The following SPIRE1 variants were observed in gnomAD, a reference collection of about 807,000 sequenced individuals.
The protein encoded by SPIRE1 is spire type actin nucleation factor 1.
Under a neutral mutation model 94.1 loss-of-function variants are expected in SPIRE1, and 40 were observed. The ratio of observed to expected loss-of-function variants is 0.43; its 90% CI spans 0.33 to 0.55. The LOEUF (loss-of-function observed/expected upper bound fraction) is 0.55, where lower values mean the gene tolerates loss of function less well. Among genes scored for constraint, SPIRE1 ranks in the 20% least tolerant of loss-of-function variants. The probability of loss-of-function intolerance (pLI) is 0.06; values close to 1 mark genes in which losing one functional copy is unlikely to be tolerated. For synonymous variants in SPIRE1, 376 were observed against 371.7 expected, an observed-to-expected ratio of 1.01 and a Z score of -0.13; for missense variants, 838 against 975.2, an observed-to-expected ratio of 0.86 and a Z score of 1.87.
intron 2 of SPIRE1, among the ~76,000 whole-genome samples, chr18:12,620,220 G>A (rs2037429222): frequency 6.6e-6 from 1 of 152,104 alleles, no homozygotes; most frequent in Non-Finnish European, 1.5e-5. Flanking sequence ...CTGTGTTCAT[G>A]GTCTAAGGCT....
intron 10 of SPIRE1, among the ~76,000 whole-genome samples, 187 bp from the exon 11 acceptor site, chr18:12,465,145 T>C: frequency 6.6e-6 from 1 of 152,148 alleles, no homozygotes; most frequent in East Asian, 1.9e-4. Flanking sequence ...GCCTTGGCTC[T>C]GCCCTGATGA....
At position 12,657,858 on chromosome 18, in the gene SPIRE1, C is replaced by G; in HGVS notation, c.9G>C (p.Gln3His). 1 of 1,087,870 alleles carries G rather than the reference C, an allele frequency of 9.2e-7. No homozygotes were observed. Among genetic ancestry groups the G allele is most frequent in the Non-Finnish European group, 1.1e-6 (1 of 899,448 alleles). 67.4% of individuals were successfully genotyped at this position (1,087,870 alleles called of 1,614,324 possible). The change falls in exon 1 of 17, where the codon CAG becomes CAC. Residue 3 changes from glutamine (Q) to histidine (H), a missense_variant. By Grantham distance (24) the Gln-to-His change is conservative. Around this residue, in one of 2 missense-constraint regions of SPIRE1, gnomAD observed 193 missense variants for 170.5 expected, o/e 1.13. Transcript: ENST00000409402. ...CCCCGCCGCCCGCCGGGCCAGCCGC[C>G]TGAGCCATCCCGCGGGTGGGCGCTG... MA[Q>H]AAGPAGGGEP...
intron 10 of SPIRE1, among the ~76,000 whole-genome samples, chr18:12,466,808 C>T (rs1438032537): frequency 6.6e-6 from 1 of 152,006 alleles, no homozygotes; most frequent in Non-Finnish European, 1.5e-5. Flanking sequence ...ACCCATCAAC[C>T]CATCACATAG....
At chr18:12,477,773 A>G (rs1038572165) in intron 10 of SPIRE1, among the ~76,000 whole-genome samples, 2 of 152,192 alleles carry the variant, frequency 1.3e-5, no homozygotes, top group Non-Finnish European at 2.9e-5. Context: ...GACCGCAGAC[A>G]CAGCTAAGCA....
At chr18:12,644,916 T>C (rs1374494085) in intron 1 of SPIRE1, among the ~76,000 whole-genome samples, 1 of 152,136 alleles carries the variant, frequency 6.6e-6, no homozygotes, top group African/African-American at 2.4e-5. Flanking sequence ...CAAGAAGGGC[T>C]GGACAAATAT....
At chr18:12,616,663 C>T (rs938401359) in intron 2 of SPIRE1, among the ~76,000 whole-genome samples, 8 of 152,142 alleles carry the variant, frequency 5.3e-5, no homozygotes, top group Admixed American at 1.3e-4. Flanking sequence ...AGTGCGAAGG[C>T]GGAGCCCTGC....
At position 12,621,632 on chromosome 18, in the gene SPIRE1, C is replaced by T. The variant is rs542119109; in HGVS notation, c.372+13430G>A. On this transcript the variant is annotated intron_variant, in intron 2 of 16. Coordinates refer to ENST00000409402, the MANE Select transcript of SPIRE1 (RefSeq NM_001128626.2). ...CCAGTCCTAAAATAACCTATGAGTC[C>T]GTGCATATGCAATGTCCAGAATAGG... Among the ~76,000 whole-genome samples the T allele has an allele frequency of 2.5e-3, 376 of 152,208 alleles. 3 individuals are homozygous for T. The highest frequency in any genetic ancestry group is 8.7e-3 in the African/African-American group (363 of 41,548).
intron 2 of SPIRE1, among the ~76,000 whole-genome samples, chr18:12,555,630 T>C (rs1401446272): frequency 6.6e-6 from 1 of 152,094 alleles, no homozygotes; most frequent in Non-Finnish European, 1.5e-5. Flanking sequence ...CCCTTCATGA[T>C]AAAAACCCTC....
At chr18:12,491,608 C>G (rs781663653) in intron 8 of SPIRE1, among the ~76,000 whole-genome samples, 9 of 152,144 alleles carry the variant, frequency 5.9e-5, no homozygotes, top group Non-Finnish European at 1.3e-4. Context: ...GTGATCCACT[C>G]TGAAGCTTTG....
At chr18:12,597,360 C>G (rs1245548877) in intron 2 of SPIRE1, among the ~76,000 whole-genome samples, 1 of 152,118 alleles carries the variant, frequency 6.6e-6, no homozygotes, top group Non-Finnish European at 1.5e-5. Context: ...CTCCAGAGCA[C>G]ACACACAGGG....
At chr18:12,466,090 A>AAAAAAG (rs1568187367) in intron 10 of SPIRE1, among the ~76,000 whole-genome samples, 7 of 152,136 alleles carry the variant, frequency 4.6e-5, no homozygotes, top group African/African-American at 1.4e-4. Flanking sequence ...TCTCAGAAAA[A>AAAAAAG]AAAAAGAAAA....
At chr18:12,589,797 T>C (rs1483713867) in intron 2 of SPIRE1, among the ~76,000 whole-genome samples, 2 of 152,232 alleles carry the variant, frequency 1.3e-5, no homozygotes, top group Non-Finnish European at 2.9e-5. Context: ...TTACTCATTT[T>C]ATCTATGTCA....
At position 12,611,313 on chromosome 18, in the gene SPIRE1, G is replaced by A. The variant is rs370301480; in HGVS notation, c.372+23749C>T. Among the ~76,000 whole-genome samples, 70 of 152,210 alleles carry A rather than the reference G, an allele frequency of 4.6e-4. 2 individuals carry two copies. The South Asian group carries it at 0.014, about 31-fold the overall frequency. ...GATCAACAGAATACAGCAGAATAACGGAATGTAACTTCCATACATGGTAGC... is the reference window on the plus strand; with the variant it reads ...GATCAACAGAATACAGCAGAATAACAGAATGTAACTTCCATACATGGTAGC... On this transcript the variant is annotated intron_variant, in intron 2 of 16. Transcript: ENST00000409402.
chr18:12,589,591 T>C (rs893058232), intron 2 of SPIRE1, among the ~76,000 whole-genome samples: 19 of 152,216 alleles, frequency 1.2e-4, no homozygotes, highest in African/African-American at 4.3e-4. Context: ...TAGGTAGAAC[T>C]AGCCTGTTCT....
chr18:12,524,514 A>T (rs2034446382), intron 4 of SPIRE1, among the ~76,000 whole-genome samples: 1 of 152,356 alleles, frequency 6.6e-6, no homozygotes, highest in Non-Finnish European at 1.5e-5. Flanking sequence ...GGAAAACTTT[A>T]GAAATATTCT....
chr18:12,507,514 C>T (rs1423151505), intron 5 of SPIRE1, among the ~76,000 whole-genome samples: 1 of 151,962 alleles, frequency 6.6e-6, no homozygotes, highest in Non-Finnish European at 1.5e-5. Context: ...GCCTGACCAA[C>T]ATGGTGAAAC....
chr18:12,494,608 T>C (rs546467653), intron 7 of SPIRE1, among the ~76,000 whole-genome samples: 2 of 150,920 alleles, frequency 1.3e-5, no homozygotes, highest in Non-Finnish European at 3.0e-5. Flanking sequence ...GGTGGGCGGA[T>C]CACGAGGTCA....
chr18:12,643,081 T>C (rs2038129369), intron 1 of SPIRE1, among the ~76,000 whole-genome samples: 1 of 151,768 alleles, frequency 6.6e-6, no homozygotes, highest in Non-Finnish European at 1.5e-5. Flanking sequence ...ATAGTATATG[T>C]AGTAAAGGAT....
At chr18:12,589,659 A>G (rs967046048) in intron 2 of SPIRE1, among the ~76,000 whole-genome samples, 2 of 152,186 alleles carry the variant, frequency 1.3e-5, no homozygotes, top group Non-Finnish European at 2.9e-5. Context: ...TGAAAAAACA[A>G]ACAAAAAAGC....
Sources: allele counts gnomAD v4.1 joint callset (sites outside exome capture counted in the v4.1 genomes callset), GRCh38; gene constraint gnomAD v4.1.1; regional missense constraint gnomAD v4.1.1; transcripts MANE v1.5; gene names NCBI Gene and HGNC (gene_info 2026-07-23, HGNC 2026-07-21).